Variants in RPTOR observed in about 807,000 individuals in gnomAD.
The protein encoded by RPTOR is regulatory-associated protein of mTOR.
Under a neutral mutation model 169.9 loss-of-function variants are expected in RPTOR, and 21 were observed. The observed-to-expected ratio is 0.12, with a 90% CI of 0.09 to 0.18. The LOEUF is 0.18. Ranked by LOEUF, RPTOR falls within the 10% of genes least tolerant of loss-of-function variation. The probability of loss-of-function intolerance (pLI) is 1.00; values close to 1 mark genes in which losing one functional copy is unlikely to be tolerated. For synonymous variants in RPTOR, 732 were observed against 753.2 expected (o/e 0.97, Z 0.46); for missense variants, 1,133 against 1,855.9 (o/e 0.61, Z 7.16).
chr17:80,748,894 C>T (rs71368090), intron 5 of RPTOR, among the ~76,000 whole-genome samples: 2 of 17,534 alleles, frequency 1.1e-4, no homozygotes, highest in Admixed American at 5.8e-4. Context: ...GGAGGGGCTG[C>T]GGTGTGTGTT....
At chr17:80,595,305 C>T (rs1181946526) in intron 1 of RPTOR, among the ~76,000 whole-genome samples, 1 of 152,124 alleles carries the variant, frequency 6.6e-6, no homozygotes. Flanking sequence ...ACATCTAGTT[C>T]TATTAGAAAA....
intron 7 of RPTOR, among the ~76,000 whole-genome samples, chr17:80,818,935 G>A (rs1029257529): frequency 2.0e-5 from 3 of 152,244 alleles, no homozygotes; most frequent in Non-Finnish European, 1.5e-5. Context: ...TTGCTGCTCA[G>A]AATGCAGCTT....
intron 1 of RPTOR, among the ~76,000 whole-genome samples, chr17:80,575,394 G>T (rs184132725): frequency 6.6e-6 from 1 of 152,328 alleles, no homozygotes; most frequent in African/African-American, 2.4e-5. Flanking sequence ...AAACATAGAA[G>T]ACTTTTTCTA....
At position 80,646,178 on chromosome 17, in the gene RPTOR, A is replaced by G. The variant is rs2065594169; in HGVS notation, c.348+2368A>G. 6.6e-6 allele frequency among the ~76,000 whole-genome samples: 1 copy of G among 152,204 alleles called. No homozygotes were observed. Among genetic ancestry groups the G allele is most frequent in the African/African-American group, 2.4e-5 (1 of 41,456 alleles). On this transcript the variant is annotated intron_variant, in intron 3 of 33. Coordinates refer to ENST00000306801, the MANE Select transcript of RPTOR (RefSeq NM_020761.3). This position sits in a 1 kb window ranked among gnomAD's most constrained non-coding sequence, Gnocchi z 5.0. ...CCATTCAGGAAGCAAAACCACAACA[A>G]TGGACACCTAATATTTGCTTTTCGA...
At chr17:80,668,684 T>G (rs890605056) in intron 3 of RPTOR, among the ~76,000 whole-genome samples, 1 of 152,232 alleles carries the variant, frequency 6.6e-6, no homozygotes, top group Non-Finnish European at 1.5e-5. Flanking sequence ...GATCTCCTCT[T>G]TTCTGTCCAG....
At chr17:80,838,360 A>T (rs1439584623) in intron 10 of RPTOR, among the ~76,000 whole-genome samples, 1 of 152,172 alleles carries the variant, frequency 6.6e-6, no homozygotes, top group Non-Finnish European at 1.5e-5. Context: ...CCTGTGGGAC[A>T]GTGACCCACG....
chr17:80,797,652 A>G (rs1028416440), intron 7 of RPTOR, among the ~76,000 whole-genome samples: 1 of 152,280 alleles, frequency 6.6e-6, no homozygotes, highest in African/African-American at 2.4e-5. Flanking sequence ...CAGCACATCT[A>G]TGTTTAATAG....
Position 80,746,068 on chromosome 17 carries a change from G to A in RPTOR, c.655-7942G>A, listed in dbSNP as rs1368215665. On this transcript the variant is annotated intron_variant, in intron 5 of 33. Coordinates refer to ENST00000306801, the MANE Select transcript of RPTOR (RefSeq NM_020761.3). This position sits in a 1 kb window ranked among gnomAD's most constrained non-coding sequence, Gnocchi z 4.5. ...TCCCAGCTACTTGAGAGGCTGAGGC[G>A]GGAGAATCGCTTGAACCCAGGAGGT... 6.6e-6 allele frequency among the ~76,000 whole-genome samples: 1 copy of A among 152,002 alleles called. No individual in the cohort carries two copies. The highest frequency in any genetic ancestry group is 1.5e-5 in the Non-Finnish European group (1 of 67,982).
chr17:80,952,883 G>GAAAAAAAGA (rs1555640687), intron 28 of RPTOR, among the ~76,000 whole-genome samples: 2 of 72,074 alleles, frequency 2.8e-5, no homozygotes, highest in Non-Finnish European at 5.8e-5. Context: ...TTTTTTTTTT[G>GAAAAAAAGA]AGGTGGAGTC....
chr17:80,550,108 T>C (rs1245264387), intron 1 of RPTOR, among the ~76,000 whole-genome samples: 1 of 152,244 alleles, frequency 6.6e-6, no homozygotes, highest in African/African-American at 2.4e-5. Flanking sequence ...TCCTTCATAA[T>C]CTACACTACC....
chr17:80,766,834 A>G (rs2066792369), intron 6 of RPTOR, among the ~76,000 whole-genome samples: 1 of 139,284 alleles, frequency 7.2e-6, no homozygotes, highest in Admixed American at 7.0e-5. Context: ...CTTTAAGTCC[A>G]GAAAAAAAAG....
At chr17:80,852,650 A>G (rs2067805763) in intron 11 of RPTOR, among the ~76,000 whole-genome samples, 1 of 151,980 alleles carries the variant, frequency 6.6e-6, no homozygotes, top group African/African-American at 2.4e-5. Flanking sequence ...GATCCCCTCC[A>G]TACCCCATCT....
At chr17:80,606,303 C>G (rs977911373) in intron 1 of RPTOR, among the ~76,000 whole-genome samples, 4 of 136,140 alleles carry the variant, frequency 2.9e-5, no homozygotes, top group Non-Finnish European at 6.3e-5. Flanking sequence ...AGCCACGGTG[C>G]CTGGCCTTTT....
At chr17:80,889,569 C>G (rs1280560662) in intron 17 of RPTOR, among the ~76,000 whole-genome samples, 2 of 152,168 alleles carry the variant, frequency 1.3e-5, no homozygotes, top group East Asian at 1.9e-4. Flanking sequence ...GCTCATCTTG[C>G]AAAAGCTGAG....
At chr17:80,643,638 G>T (rs2143597091) in intron 2 of RPTOR, 90 bp from the exon 3 acceptor site, 1 of 903,998 alleles carries the variant, frequency 1.1e-6, no homozygotes, top group South Asian at 1.6e-5. Flanking sequence ...ACTTTGAAGT[G>T]TGTTATATAA....
chr17:80,822,326 G>C (rs763243761), intron 8 of RPTOR, 25 bp downstream of exon 8: 2 of 1,610,758 alleles, frequency 1.2e-6, no homozygotes, highest in Non-Finnish European at 1.7e-6. Flanking sequence ...GGGCCTTGGG[G>C]AGGGAGGCTA....
chr17:80,786,769 T>C (rs150573589), intron 6 of RPTOR, among the ~76,000 whole-genome samples: 192 of 152,354 alleles, frequency 1.3e-3, no homozygotes, highest in Middle Eastern at 3.4e-3. Context: ...CAGTTCACCA[T>C]GTATATGGAA....
At chr17:80,599,855 G>A (rs2065172404) in intron 1 of RPTOR, among the ~76,000 whole-genome samples, 1 of 152,216 alleles carries the variant, frequency 6.6e-6, no homozygotes, top group African/African-American at 2.4e-5. Context: ...AGGAAAGTAT[G>A]TGTGTATTTA....
chr17:80,616,899 A>G (rs2065315832), intron 1 of RPTOR, among the ~76,000 whole-genome samples: 1 of 152,202 alleles, frequency 6.6e-6, no homozygotes, highest in Admixed American at 6.5e-5. Context: ...CTGCCAGCAC[A>G]ACATTCCTCA....
Sources: allele counts gnomAD v4.1 joint callset (sites outside exome capture counted in the v4.1 genomes callset), GRCh38; gene constraint gnomAD v4.1.1; non-coding constraint Gnocchi (gnomAD v3.1); transcripts MANE v1.5; gene names NCBI Gene and HGNC (gene_info 2026-07-23, HGNC 2026-07-21).